SCAPER: variants seen among roughly 807,000 people sequenced by gnomAD.
The protein encoded by SCAPER is S phase cyclin A-associated protein in the endoplasmic reticulum.
SCAPER carries 98 observed loss-of-function variants against 182.2 expected under a neutral mutation model. The ratio of observed to expected loss-of-function variants is 0.54; its 90% CI spans 0.46 to 0.64. SCAPER has a LOEUF of 0.64. Among genes scored for constraint, SCAPER ranks in the 30% least tolerant of loss-of-function variants. The pLI is 0.00. For synonymous variants in SCAPER, 605 were observed against 564.6 expected (o/e 1.07, Z -1.01); for missense variants, 1,432 against 1,690.0 (o/e 0.85, Z 2.68).
chr15:76,803,165 T>C (rs1471366007), intron 6 of SCAPER, among the ~76,000 whole-genome samples: 1 of 152,228 alleles, frequency 6.6e-6, no homozygotes, highest in African/African-American at 2.4e-5. Context: ...AATGTGGTCC[T>C]AGCCTAGCTC....
chr15:76,654,671 T>TG (rs968958170), intron 21 of SCAPER, among the ~76,000 whole-genome samples: 1 of 152,234 alleles, frequency 6.6e-6, no homozygotes, highest in African/African-American at 2.4e-5. Context: ...TGCAGAAATC[T>TG]GGAAGTGGTT....
chr15:76,406,383 C>T (rs1166441990), intron 26 of SCAPER, among the ~76,000 whole-genome samples: 1 of 152,058 alleles, frequency 6.6e-6, no homozygotes, highest in Non-Finnish European at 1.5e-5. Flanking sequence ...GAGGCTGAGG[C>T]AGGAGAATCG....
chr15:76,395,138 T>C (rs1003999264), intron 27 of SCAPER, among the ~76,000 whole-genome samples: 11 of 152,236 alleles, frequency 7.2e-5, no homozygotes, highest in African/African-American at 2.4e-4. Context: ...CTTAACACAA[T>C]GACCTCGAAT....
At chr15:76,440,872 C>T (rs1026330062) in intron 25 of SCAPER, among the ~76,000 whole-genome samples, 40 of 147,494 alleles carry the variant, frequency 2.7e-4, no homozygotes, top group Non-Finnish European at 5.9e-4. Context: ...GCTAGTAGTT[C>T]CTCACTATTA....
chr15:76,534,848 G>T (rs1375315582), intron 23 of SCAPER, among the ~76,000 whole-genome samples: 1 of 152,086 alleles, frequency 6.6e-6, no homozygotes, highest in African/African-American at 2.4e-5. Flanking sequence ...TTATAATATT[G>T]CTGATTTTTT....
At chr15:76,898,690 CA>C (rs1266381252) in intron 1 of SCAPER, among the ~76,000 whole-genome samples, 5 of 152,154 alleles carry the variant, frequency 3.3e-5, no homozygotes, top group African/African-American at 1.2e-4. Flanking sequence ...CCTGAATAGG[CA>C]AATCCATAAA....
At chr15:76,435,088 G>A (rs1367413093) in intron 25 of SCAPER, among the ~76,000 whole-genome samples, 14 of 152,168 alleles carry the variant, frequency 9.2e-5, no homozygotes, top group Admixed American at 9.2e-4. Context: ...AGGAATAAAT[G>A]ATCACTTGGA....
chr15:76,753,396 A>G (rs868078959), intron 15 of SCAPER, among the ~76,000 whole-genome samples: 2 of 151,942 alleles, frequency 1.3e-5, no homozygotes, highest in African/African-American at 2.4e-5. Context: ...TTCCATGCAC[A>G]TAAGTTCTAG....
chr15:76,778,769 G>A (rs1181713276), intron 8 of SCAPER, among the ~76,000 whole-genome samples: 1 of 151,838 alleles, frequency 6.6e-6, no homozygotes, highest in Non-Finnish European at 1.5e-5. Flanking sequence ...TGGTCAAGCA[G>A]GGAGCTCAGC....
At position 76,734,254 on chromosome 15, in the gene SCAPER, G is replaced by A. The variant is rs540400375; in HGVS notation, c.1867-870C>T. Among the ~76,000 whole-genome samples the A allele has an allele frequency of 1.1e-4, 17 of 152,274 alleles. No homozygotes were observed. The South Asian group carries it at 3.3e-3, about 30-fold the overall frequency. On this transcript the variant is annotated intron_variant, in intron 15 of 31. Coordinates refer to ENST00000563290, the MANE Select transcript of SCAPER (RefSeq NM_020843.4). ...TTGCTAGAAAGTACAGATATTATGA[G>A]TAAAGGATAGCTAATGATAAAGCTC...
chr15:76,818,656 G>T (rs995976543), intron 5 of SCAPER, among the ~76,000 whole-genome samples: 1 of 152,216 alleles, frequency 6.6e-6, no homozygotes, highest in Non-Finnish European at 1.5e-5. Flanking sequence ...AGCTCCCAGC[G>T]TGAGCGACGC....
intron 21 of SCAPER, among the ~76,000 whole-genome samples, chr15:76,641,919 G>T (rs2054138117): frequency 6.6e-6 from 1 of 152,102 alleles, no homozygotes; most frequent in African/African-American, 2.4e-5. Context: ...ACTGAATATG[G>T]ACACTAAAGA....
intron 23 of SCAPER, among the ~76,000 whole-genome samples, chr15:76,517,626 C>T (rs558900015): frequency 6.6e-6 from 1 of 152,288 alleles, no homozygotes; most frequent in Non-Finnish European, 1.5e-5. Flanking sequence ...GCTGGAATTA[C>T]AAGCGTAAGC....
intron 8 of SCAPER, among the ~76,000 whole-genome samples, chr15:76,781,827 C>T (rs2064164599): frequency 6.6e-6 from 1 of 152,118 alleles, no homozygotes; most frequent in Non-Finnish European, 1.5e-5. Context: ...ACTTCACAGA[C>T]AAGCAAATGC....
At chr15:76,788,835 C>T (rs535256967) in intron 8 of SCAPER, among the ~76,000 whole-genome samples, 1 of 151,926 alleles carries the variant, frequency 6.6e-6, no homozygotes, top group Non-Finnish European at 1.5e-5. Context: ...ACATTTTGTC[C>T]CTCTCTATTT....
chr15:76,509,962 A>T (rs1443685362), intron 23 of SCAPER, among the ~76,000 whole-genome samples: 1 of 152,178 alleles, frequency 6.6e-6, no homozygotes, highest in African/African-American at 2.4e-5. Context: ...CAAACAAAAA[A>T]CTTAAAGTGG....
intron 21 of SCAPER, among the ~76,000 whole-genome samples, chr15:76,636,510 G>C (rs2053618218): frequency 1.3e-5 from 2 of 151,298 alleles, no homozygotes; most frequent in Non-Finnish European, 2.9e-5. Flanking sequence ...GGAGAATTCT[G>C]AGTTAGGTAA....
rs2049299996 is a variant in SCAPER, at chr15:76,593,807, A to G, written c.2712-19523T>C. ...CAACAAAAAGGACATCCACACAGAA[A>G]CCCCATCCGAAGGTCACCAACATCA... On this transcript the variant is annotated intron_variant, in intron 22 of 31. Transcript: ENST00000563290. Among the ~76,000 whole-genome samples the G allele has an allele frequency of 1.7e-5, 2 of 121,072 alleles. 1 individual carries two copies. The highest frequency in any genetic ancestry group is 4.0e-5 in the Non-Finnish European group (2 of 49,828). 79.4% of individuals were successfully genotyped at this position (121,072 alleles called of 152,430 possible). A position where few individuals can be genotyped will look rare whatever the true frequency, so the allele number is the denominator to read the frequency against.
At chr15:76,659,575 A>C (rs1458872176) in intron 21 of SCAPER, among the ~76,000 whole-genome samples, 3 of 152,258 alleles carry the variant, frequency 2.0e-5, no homozygotes, top group Non-Finnish European at 4.4e-5. Context: ...CAACCGGAAC[A>C]GACACATTTT....
Sources: allele counts gnomAD v4.1 joint callset (sites outside exome capture counted in the v4.1 genomes callset), GRCh38; gene constraint gnomAD v4.1.1; transcripts MANE v1.5; gene names NCBI Gene and HGNC (gene_info 2026-07-23, HGNC 2026-07-21).